Variants in FAM234A observed in about 807,000 individuals in gnomAD.
FAM234A encodes family with sequence similarity 234 member A, also known as protein FAM234A.
A neutral mutation model predicts 49.1 loss-of-function variants in FAM234A; 42 were observed. That is an observed-to-expected ratio of 0.86 (90% CI 0.67 to 1.11). The LOEUF is 1.11. FAM234A is among the 50% of genes least tolerant of loss of function. FAM234A has a pLI of 0.00. For synonymous variants in FAM234A, 369 were observed against 316.2 expected (o/e 1.17, Z -1.77); for missense variants, 815 against 745.2 (o/e 1.09, Z -1.09).
intron 2 of FAM234A, among the ~76,000 whole-genome samples, chr16:251,367 G>A (rs781079369): frequency 1.3e-5 from 2 of 152,154 alleles, no homozygotes; most frequent in East Asian, 1.9e-4. Flanking sequence ...CTCTGCAGTA[G>A]GGTTTTTTTT....
At chr16:254,283 G>T in intron 2 of FAM234A, 98 bp from the exon 3 acceptor site, 1 of 928,554 alleles carries the variant, frequency 1.1e-6, no homozygotes, top group Admixed American at 2.3e-5. Flanking sequence ...TAGAGCTGCA[G>T]CCAGTCCCCA....
At chr16:246,186 G>A (rs1329439868) in intron 1 of FAM234A, among the ~76,000 whole-genome samples, 3 of 151,220 alleles carry the variant, frequency 2.0e-5, no homozygotes, top group Non-Finnish European at 2.9e-5. Flanking sequence ...TTGTACTCCC[G>A]CCTAGGTGAC....
At chr16:255,975 C>T (rs1304455280) in intron 3 of FAM234A, among the ~76,000 whole-genome samples, 1 of 152,230 alleles carries the variant, frequency 6.6e-6, no homozygotes, top group Non-Finnish European at 1.5e-5. Flanking sequence ...CTAGACATTT[C>T]TTAGAAGTGA....
intron 5 of FAM234A, 36 bp from the exon 6 acceptor site, chr16:261,348 C>G (rs2051457442): frequency 1.3e-6 from 2 of 1,592,942 alleles, no homozygotes; most frequent in African/African-American, 1.3e-5. Flanking sequence ...GAAGGGGACT[C>G]AGGGCCACGT....
chr16:256,295 G>A (rs2141296726), intron 3 of FAM234A, among the ~76,000 whole-genome samples: 1 of 152,296 alleles, frequency 6.6e-6, no homozygotes, highest in Non-Finnish European at 1.5e-5. Flanking sequence ...GTTTTCTAAA[G>A]CGACTGCACC....
chr16:269,678 C>T, downstream of FAM234A: 1 of 1,000,746 alleles, frequency 1.0e-6, no homozygotes, highest in Non-Finnish European at 1.5e-6. Flanking sequence ...GCTGGAGCCT[C>T]CTCCAGCCAC....
Position 254,578 on chromosome 16 carries a change from A to G in FAM234A, c.165A>G (p.Ser55=), listed in dbSNP as rs1461406217. 3.7e-6 allele frequency: 6 copies of G among 1,613,826 alleles called. No homozygotes were observed. Among genetic ancestry groups the G allele is most frequent in the Non-Finnish European group, 4.2e-6 (5 of 1,179,868 alleles). The part of the protein sequence containing the change: ...SRCRAAAFFL[S]LFLCLFVVFV... ...GCCGAGCGGCGGCGTTTTTTCTTTCATTGTTTCTCTGCCTTTTTGTGGTGT... is the reference window on the plus strand; with the variant it reads ...GCCGAGCGGCGGCGTTTTTTCTTTCGTTGTTTCTCTGCCTTTTTGTGGTGT... The change falls in exon 3 of 13, where the codon TCA becomes TCG. Residue 55 remains serine, a synonymous_variant. Transcript: ENST00000399932.
chr16:255,012 C>T (rs540354951), intron 3 of FAM234A, among the ~76,000 whole-genome samples: 80 of 152,268 alleles, frequency 5.3e-4, no homozygotes, highest in Middle Eastern at 6.8e-3. Context: ...TGCAGCACCA[C>T]GCCCAGCTAA....
rs2051666556 is a variant in FAM234A at position 265,588 on chromosome 16, G to A, written c.*566G>A. On this transcript the variant is annotated 3_prime_UTR_variant, in exon 13 of 13. Coordinates refer to ENST00000399932, the MANE Select transcript of FAM234A (RefSeq NM_032039.4). Reference sequence around the variant, plus strand: ...TTCGCAGCCCTTCCCGGAGCTACAGGGGGATCCTCTAGCATGGGGGGTGTG... The same window carrying A: ...TTCGCAGCCCTTCCCGGAGCTACAGAGGGATCCTCTAGCATGGGGGGTGTG... The A allele has an allele frequency of 1.0e-6, 1 of 985,866 alleles. No homozygotes were observed. The highest frequency in any genetic ancestry group is 1.2e-6 in the Non-Finnish European group (1 of 830,316). The allele number at this position is 985,866 out of a possible 1,614,324, so 61.1% of individuals were successfully genotyped here.
At chr16:266,387 CGGT>C (rs1350215025), downstream of FAM234A, among the ~76,000 whole-genome samples, 1 of 152,238 alleles carries the variant, frequency 6.6e-6, no homozygotes, top group Non-Finnish European at 1.5e-5. Flanking sequence ...CTGGAACAGA[CGGT>C]GGCCTCGGCA....
intron 1 of FAM234A, among the ~76,000 whole-genome samples, chr16:238,318 C>T (rs150890693): frequency 6.6e-6 from 1 of 152,100 alleles, no homozygotes; most frequent in Non-Finnish European, 1.5e-5. Flanking sequence ...CGCCCCCGCC[C>T]CTGTCCGAAC....
intron 2 of FAM234A, among the ~76,000 whole-genome samples, chr16:252,969 C>T (rs374507503): frequency 1.3e-5 from 2 of 152,190 alleles, no homozygotes; most frequent in Non-Finnish European, 2.9e-5. Flanking sequence ...TGCATGATCA[C>T]GTCCAGTCTC....
chr16:238,857 G>C (rs985678034), intron 1 of FAM234A, among the ~76,000 whole-genome samples: 27 of 149,498 alleles, frequency 1.8e-4, no homozygotes, highest in African/African-American at 6.7e-4. Flanking sequence ...GGCTGAGGTG[G>C]GTGGATCACG....
chr16:258,372 C>T (rs1021931206), intron 3 of FAM234A, among the ~76,000 whole-genome samples: 3 of 152,128 alleles, frequency 2.0e-5, no homozygotes, highest in African/African-American at 7.2e-5. Context: ...GAGCATGCTG[C>T]CTTCAAGCAT....
chr16:245,204 C>T (rs373719417), intron 1 of FAM234A, among the ~76,000 whole-genome samples: 225 of 151,988 alleles, frequency 1.5e-3, no homozygotes, highest in Middle Eastern at 6.8e-3. Flanking sequence ...AAAATTTGCC[C>T]GGCGCGGTGA....
At chr16:257,171 G>T (rs925326478) in intron 3 of FAM234A, among the ~76,000 whole-genome samples, 1 of 149,468 alleles carries the variant, frequency 6.7e-6, no homozygotes, top group South Asian at 2.1e-4. Context: ...GAACCACCAC[G>T]CCCAGCCTTT....
intron 1 of FAM234A, among the ~76,000 whole-genome samples, chr16:238,355 A>G (rs531623212): frequency 2.6e-5 from 4 of 151,042 alleles, no homozygotes; most frequent in African/African-American, 7.3e-5. Context: ...GCAGCTTACC[A>G]CTCCTGTGGG....
At position 265,633 on chromosome 16, in the gene FAM234A, G is replaced by A. The variant is rs1176499834; in HGVS notation, c.*611G>A. Reference sequence around the variant, plus strand: ...GGTGTGACTTGGTTCCTTTGACCAGGTCCTGTGAGGAAGCCTGGAGCAAGG... The same window carrying A: ...GGTGTGACTTGGTTCCTTTGACCAGATCCTGTGAGGAAGCCTGGAGCAAGG... On this transcript the variant is annotated 3_prime_UTR_variant, in exon 13 of 13. Coordinates refer to ENST00000399932, the MANE Select transcript of FAM234A (RefSeq NM_032039.4). The A allele has an allele frequency of 2.0e-6, 2 of 985,554 alleles. No individual in the cohort carries two copies. Among genetic ancestry groups the A allele is most frequent in the Non-Finnish European group, 2.4e-6 (2 of 830,098 alleles). The allele number at this position is 985,554 out of a possible 1,614,324, so 61.1% of individuals were successfully genotyped here.
intron 2 of FAM234A, among the ~76,000 whole-genome samples, chr16:253,058 G>T (rs2051083201): frequency 6.6e-6 from 1 of 152,252 alleles, no homozygotes. Context: ...AGACAAAATG[G>T]AAGTTTGTTT....
Sources: gnomAD v4.1 joint callset for allele counts (sites outside exome capture counted in the v4.1 genomes callset) on GRCh38, gnomAD v4.1.1 for gene constraint, MANE v1.5 for transcripts, NCBI Gene and HGNC (gene_info 2026-07-23, HGNC 2026-07-21) for gene names.